Variants in RUSF1 observed in about 807,000 individuals in gnomAD.
RUSF1 encodes RUS family member 1.
In RUSF1, 58 loss-of-function variants were observed where a neutral mutation model predicts 63.0. That is an observed-to-expected ratio of 0.92 (90% CI 0.75 to 1.15). The LOEUF is 1.15. RUSF1 is among the 50% of genes most tolerant of loss of function. The pLI, the probability that RUSF1 is intolerant of heterozygous loss-of-function variation, is 0.00. For missense variants in RUSF1, 652 were observed against 611.0 expected, an observed-to-expected ratio of 1.07 and a Z score of -0.71; for synonymous variants, 274 against 255.8, an observed-to-expected ratio of 1.07 and a Z score of -0.68.
At position 31,493,442 on chromosome 16, in the gene RUSF1, G is replaced by A. The variant is rs373428929; in HGVS notation, c.1016+25C>T. On this transcript the variant is annotated intron_variant, in intron 9 of 12. Coordinates refer to ENST00000327237, the MANE Select transcript of RUSF1 (RefSeq NM_022744.4). ...GGGGAGTGTGGGTGGCGGTGGTGAC[G>A]AGCGGGAGACGCTAGGCCACTCACC... The A allele has an allele frequency of 1.8e-5, 29 of 1,578,726 alleles. No homozygotes were observed. In the African/African-American group the frequency reaches 1.9e-4, roughly 10 times the overall value.
intron 6 of RUSF1, among the ~76,000 whole-genome samples, chr16:31,494,579 T>G (rs939842984): frequency 6.6e-6 from 1 of 152,026 alleles, no homozygotes; most frequent in African/African-American, 2.4e-5. Context: ...GGAGACACAG[T>G]GATACCCTGT....
At chr16:31,494,035 C>G in intron 6 of RUSF1, 99 bp from the exon 7 acceptor site, 1 of 1,285,278 alleles carries the variant, frequency 7.8e-7, no homozygotes, top group East Asian at 2.5e-5. Flanking sequence ...TCCACAACCT[C>G]CCAGGGCTCC....
chr16:31,490,396 C>T lies in RUSF1; in HGVS notation c.*439G>A, dbSNP rs751517591. On this transcript the variant is annotated 3_prime_UTR_variant, in exon 13 of 13. Coordinates refer to ENST00000327237, the MANE Select transcript of RUSF1 (RefSeq NM_022744.4). ...AGAGGTGGGGTGGGCAGTCCTCCGCCCCTTACCCAGGAGGAGGCAGCGGCA... is the reference window on the plus strand; with the variant it reads ...AGAGGTGGGGTGGGCAGTCCTCCGCTCCTTACCCAGGAGGAGGCAGCGGCA... 6.2e-7 allele frequency: 1 copy of T among 1,613,592 alleles called. No individual in the cohort carries two copies. The highest frequency in any genetic ancestry group is 8.5e-7 in the Non-Finnish European group (1 of 1,179,874).
rs1488509162 is a variant in RUSF1, at chr16:31,508,194, C to A, written c.180G>T (p.Val60=). The A allele has an allele frequency of 1.3e-6, 2 of 1,566,966 alleles. No homozygotes were observed. The highest frequency in any genetic ancestry group is 2.7e-5 in the African/African-American group (2 of 73,514). The change falls in exon 1 of 13, where the codon GTG becomes GTT. Residue 60 remains valine (V), a synonymous_variant. Transcript: ENST00000327237. The part of the protein sequence containing the change: ...VKPEGRDAGE[V]GASGAPSPPL... ...GCGGTGAGGGGGCCCCGGAAGCCCC[C>A]ACTTCGCCCGCATCTCGTCCTTCAG...
intron 2 of RUSF1, among the ~76,000 whole-genome samples, chr16:31,506,000 C>A (rs1437922999): frequency 6.6e-6 from 1 of 152,194 alleles, no homozygotes; most frequent in Non-Finnish European, 1.5e-5. Context: ...ACCCTGAACA[C>A]ACAATTTCTC....
rs377391208 is a variant in RUSF1, at chr16:31,500,677, C to A, written c.461+9G>T. 1 of 1,612,262 alleles carries A rather than the reference C, an allele frequency of 6.2e-7. No homozygotes were observed. On this transcript the variant is annotated intron_variant, in intron 3 of 12. Transcript: ENST00000327237. ...TTGCCAGAGTTGCTGGCCGGGAAGA[C>A]AAACTCACCCTTTCCACCAGGCAAA...
At chr16:31,500,765 A>G in intron 2 of RUSF1, 34 bp from the exon 3 acceptor site, 1 of 1,605,170 alleles carries the variant, frequency 6.2e-7, no homozygotes, top group Non-Finnish European at 8.5e-7. Flanking sequence ...AGGAGCAAGG[A>G]AGAGGTGTGG....
At chr16:31,491,115 G>A (rs2082564324) in intron 12 of RUSF1, among the ~76,000 whole-genome samples, 183 bp from the exon 13 acceptor site, 1 of 152,170 alleles carries the variant, frequency 6.6e-6, no homozygotes, top group Non-Finnish European at 1.5e-5. Flanking sequence ...GCACACAGAA[G>A]AGCGCTGGGA....
chr16:31,490,037 AAG>A lies in RUSF1; in HGVS notation c.*796_*797del, dbSNP rs2082547863. 3.1e-6 allele frequency: 5 copies of A among 1,607,182 alleles called. No homozygotes were observed. In the South Asian group the frequency reaches 4.4e-5, roughly 14 times the overall value. The stretch of plus-strand genomic sequence containing the variant: ...GGCAGGCAGTGACGAGCTGGTGTGC[AAG>A]AGACTTTAGGGCCAGGCATGGGGGG... On this transcript the variant is annotated 3_prime_UTR_variant, in exon 13 of 13. Coordinates refer to ENST00000327237, the MANE Select transcript of RUSF1 (RefSeq NM_022744.4).
intron 2 of RUSF1, among the ~76,000 whole-genome samples, chr16:31,507,450 C>A (rs368603396): frequency 8.9e-4 from 136 of 152,224 alleles, no homozygotes; most frequent in African/African-American, 3.2e-3. Flanking sequence ...AGTTTTATTC[C>A]ATCAATTGCA....
At chr16:31,504,453 C>G (rs1277596274) in intron 2 of RUSF1, among the ~76,000 whole-genome samples, 1 of 152,004 alleles carries the variant, frequency 6.6e-6, no homozygotes, top group Non-Finnish European at 1.5e-5. Flanking sequence ...ATTTTTAGTA[C>G]AGATGGCGTT....
At position 31,507,793 on chromosome 16, in the gene RUSF1, G is replaced by C; in HGVS notation, c.386C>G (p.Ser129Ter). The C allele has an allele frequency of 1.9e-6, 3 of 1,574,124 alleles. No individual in the cohort carries two copies. Among genetic ancestry groups the C allele is most frequent in the South Asian group, 1.2e-5 (1 of 85,554 alleles). Residue 129 changes from serine (S) to a stop codon, truncating the protein, a stop_gained, in exon 2 of 13, where the codon TCA (serine) becomes TGA (stop). Coordinates refer to ENST00000327237, the MANE Select transcript of RUSF1 (RefSeq NM_022744.4). LOFTEE classifies it high-confidence loss of function. ...CACGAGCCAGGTGGCCGTGGCAGCT[G>C]AAACAGTGGCTTTTGCGTTCCCCAC... ...IGVGNAKATV[S>*]AATATWLVKD...
chr16:31,496,799 C>T, intron 6 of RUSF1, 50 bp downstream of exon 6: 2 of 1,459,272 alleles, frequency 1.4e-6, no homozygotes, highest in Non-Finnish European at 1.8e-6. Flanking sequence ...AGTGGCTTCT[C>T]TCCCCTTCCC....
chr16:31,494,623 C>T (rs2082592886), intron 6 of RUSF1, among the ~76,000 whole-genome samples: 1 of 152,070 alleles, frequency 6.6e-6, no homozygotes, highest in Non-Finnish European at 1.5e-5. Flanking sequence ...GCTTTTTTGC[C>T]CAGGTAGGTG....
intron 2 of RUSF1, among the ~76,000 whole-genome samples, 157 bp from the exon 3 acceptor site, chr16:31,500,888 G>C (rs977105168): frequency 2.0e-5 from 3 of 152,122 alleles, no homozygotes; most frequent in Admixed American, 6.5e-5. Context: ...TACATAATGG[G>C]GTCAGAAGTG....
At chr16:31,496,261 G>A (rs890442863) in intron 6 of RUSF1, among the ~76,000 whole-genome samples, 19 of 152,054 alleles carry the variant, frequency 1.2e-4, no homozygotes, top group Admixed American at 1.2e-3. Context: ...GGGTCTCGCC[G>A]GGTTGCCCAG....
chr16:31,499,592 G>A lies in RUSF1; in HGVS notation c.462-67C>T. Reference sequence around the variant, plus strand: ...AAACACATCCTATGGGCAGTGTGGGGAGTCTTGGACCACAGTAAAGTCTGA... The same window carrying A: ...AAACACATCCTATGGGCAGTGTGGGAAGTCTTGGACCACAGTAAAGTCTGA... On this transcript the variant is annotated intron_variant, in intron 3 of 12. Coordinates refer to ENST00000327237, the MANE Select transcript of RUSF1 (RefSeq NM_022744.4). 3 of 1,469,404 alleles carry A rather than the reference G, an allele frequency of 2.0e-6. No homozygotes were observed. In the South Asian group the frequency reaches 4.0e-5, roughly 19 times the overall value. The allele number at this position is 1,469,404 out of a possible 1,614,324, so 91.0% of individuals were successfully genotyped here.
chr16:31,499,891 T>C (rs946975399), intron 3 of RUSF1, among the ~76,000 whole-genome samples: 1 of 152,138 alleles, frequency 6.6e-6, no homozygotes, highest in East Asian at 1.9e-4. Flanking sequence ...CCAGTGAGCA[T>C]GTTTTGGACT....
At position 31,490,467 on chromosome 16, in the gene RUSF1, C is replaced by T. The variant is rs148924550; in HGVS notation, c.*368G>A. The stretch of plus-strand genomic sequence containing the variant: ...CATCAGCGAGGACCCGAGCTGGGCC[C>T]GTGTGGTCAACCTCAATGCCCTGCT... On this transcript the variant is annotated 3_prime_UTR_variant, in exon 13 of 13. Coordinates refer to ENST00000327237, the MANE Select transcript of RUSF1 (RefSeq NM_022744.4). The T allele has an allele frequency of 4.3e-6, 7 of 1,613,970 alleles. No individual in the cohort carries two copies. In the East Asian group the frequency reaches 6.7e-5, roughly 15 times the overall value.
Sources: allele counts gnomAD v4.1 joint callset (sites outside exome capture counted in the v4.1 genomes callset), GRCh38; gene constraint gnomAD v4.1.1; transcripts MANE v1.5; gene names NCBI Gene and HGNC (gene_info 2026-07-23, HGNC 2026-07-21).